EYS: variants seen among roughly 807,000 people sequenced by gnomAD.
EYS encodes the protein protein eyes shut homolog.
EYS carries 250 observed loss-of-function variants against 282.1 expected under a neutral mutation model. The observed-to-expected ratio is 0.89, with a 90% CI of 0.80 to 0.98. The LOEUF (loss-of-function observed/expected upper bound fraction) is 0.98, where lower values mean the gene tolerates loss of function less well. Ranked by LOEUF, EYS falls within the 50% of genes least tolerant of loss-of-function variation. The pLI is 0.00. For missense variants in EYS, 4,016 were observed against 3,709.0 expected, an observed-to-expected ratio of 1.08 and a Z score of -2.15; for synonymous variants, 1,355 against 1,282.9, an observed-to-expected ratio of 1.06 and a Z score of -1.20.
chr6:64,829,878 T>C (rs1765164881), intron 19 of EYS, among the ~76,000 whole-genome samples: 1 of 151,986 alleles, frequency 6.6e-6, no homozygotes, highest in African/African-American at 2.4e-5. Flanking sequence ...TCCAGGAATC[T>C]AGAGGCACTG....
intron 22 of EYS, among the ~76,000 whole-genome samples, chr6:64,707,525 C>T (rs1225401612): frequency 3.9e-5 from 6 of 152,030 alleles, no homozygotes; most frequent in Middle Eastern, 3.4e-3. Context: ...AAAAATTAGC[C>T]GGGCGTGGTG....
rs527256986 is a variant in EYS, at chr6:65,423,544, A to G, written c.863-18177T>C. On this transcript the variant is annotated intron_variant, in intron 5 of 42. Transcript: ENST00000503581. The stretch of plus-strand genomic sequence containing the variant: ...AGCGGGTCTACATTAGGTATCATAA[A>G]TTGAGAATTTTTATTGCCATGTTCC... Among the ~76,000 whole-genome samples, 4 of 152,036 alleles carry G rather than the reference A, an allele frequency of 2.6e-5. No homozygotes were observed. In the South Asian group the frequency reaches 8.3e-4, roughly 32 times the overall value.
chr6:64,337,015 C>CA (rs1770878350), intron 29 of EYS, among the ~76,000 whole-genome samples: 1 of 151,954 alleles, frequency 6.6e-6, no homozygotes. Context: ...ACACCTACAT[C>CA]AAAAAGGCTG....
intron 14 of EYS, among the ~76,000 whole-genome samples, chr6:64,981,652 C>T (rs953406392): frequency 2.0e-5 from 3 of 151,266 alleles, no homozygotes; most frequent in Admixed American, 6.6e-5. Flanking sequence ...AATTTGCATA[C>T]GGGAGTCTGG....
intron 35 of EYS, among the ~76,000 whole-genome samples, chr6:63,958,428 G>A (rs1765913145): frequency 1.0e-5 from 1 of 96,028 alleles, no homozygotes; most frequent in Non-Finnish European, 2.8e-5. Flanking sequence ...TGGTTTGAAT[G>A]TTTGTGGCCC....
At chr6:64,863,305 T>A (rs959580969) in intron 19 of EYS, among the ~76,000 whole-genome samples, 5 of 152,314 alleles carry the variant, frequency 3.3e-5, no homozygotes, top group Non-Finnish European at 7.4e-5. Flanking sequence ...CTGTTGAGAC[T>A]TTTACCTATT....
chr6:65,363,090 A>G (rs1389549485), intron 8 of EYS, among the ~76,000 whole-genome samples: 6 of 152,024 alleles, frequency 3.9e-5, no homozygotes, highest in African/African-American at 1.4e-4. Context: ...CACATACTAC[A>G]TAGACTTGCA....
At chr6:64,238,199 G>T (rs903546333) in intron 30 of EYS, among the ~76,000 whole-genome samples, 1 of 152,024 alleles carries the variant, frequency 6.6e-6, no homozygotes, top group African/African-American at 2.4e-5. Flanking sequence ...GTCACAAATA[G>T]GATTCCTTAG....
chr6:65,622,831 C>T (rs1288373264), intron 2 of EYS, among the ~76,000 whole-genome samples: 1 of 151,178 alleles, frequency 6.6e-6, no homozygotes, highest in African/African-American at 2.4e-5. Flanking sequence ...AGCTACAGCT[C>T]ATTGCAGCTT....
At chr6:64,652,188 CTT>C (rs1210471634) in intron 22 of EYS, among the ~76,000 whole-genome samples, 2 of 152,296 alleles carry the variant, frequency 1.3e-5, no homozygotes, top group South Asian at 4.1e-4. Flanking sequence ...ATAATCTTCT[CTT>C]AAGTATAAAT....
At chr6:65,471,545 C>A (rs1272802381) in intron 5 of EYS, among the ~76,000 whole-genome samples, 2 of 152,128 alleles carry the variant, frequency 1.3e-5, no homozygotes, top group Non-Finnish European at 2.9e-5. Context: ...CATATCACAA[C>A]CAGCTTTTCA....
At chr6:63,968,662 A>G (rs879404561) in intron 35 of EYS, among the ~76,000 whole-genome samples, 1 of 152,214 alleles carries the variant, frequency 6.6e-6, no homozygotes, top group African/African-American at 2.4e-5. Context: ...AGAATATTTC[A>G]GAGGTTTCTC....
chr6:63,932,025 G>T (rs930174133), intron 35 of EYS, among the ~76,000 whole-genome samples: 2 of 151,902 alleles, frequency 1.3e-5, no homozygotes, highest in South Asian at 4.2e-4. Context: ...AGAACATGCG[G>T]TTTCTATATG....
chr6:63,874,231 G>A (rs1424016973), intron 35 of EYS, among the ~76,000 whole-genome samples: 1 of 152,128 alleles, frequency 6.6e-6, no homozygotes, highest in Non-Finnish European at 1.5e-5. Context: ...AGTTTTCCGA[G>A]CACCATTTGT....
intron 29 of EYS, among the ~76,000 whole-genome samples, chr6:64,320,708 C>A (rs1362507213): frequency 7.0e-6 from 1 of 143,576 alleles, no homozygotes; most frequent in East Asian, 2.0e-4. Flanking sequence ...TCCTATTGGC[C>A]ACAGTTTCCC....
chr6:65,317,883 T>TTTCTTTCTTTCTTTCTTTCTTTCC (rs1294027944), intron 11 of EYS, among the ~76,000 whole-genome samples: 1 of 80,768 alleles, frequency 1.2e-5, no homozygotes, highest in African/African-American at 6.7e-5. Flanking sequence ...TCTTTCTTTC[T>TTTCTTTCTTTCTTTCTTTCTTTCC]TTCAGACAGA....
At chr6:65,623,871 A>G (rs1043915169) in intron 2 of EYS, among the ~76,000 whole-genome samples, 4 of 152,348 alleles carry the variant, frequency 2.6e-5, no homozygotes, top group Middle Eastern at 3.4e-3. Context: ...ATAACCTAGC[A>G]TAACTCACCT....
At chr6:65,123,106 T>C (rs1775612782) in intron 12 of EYS, among the ~76,000 whole-genome samples, 1 of 152,112 alleles carries the variant, frequency 6.6e-6, no homozygotes, top group African/African-American at 2.4e-5. Context: ...TAATTTTAAA[T>C]TCCAAAGAGA....
At chr6:64,130,412 T>C (rs973134900) in intron 31 of EYS, among the ~76,000 whole-genome samples, 3 of 151,974 alleles carry the variant, frequency 2.0e-5, no homozygotes, top group Admixed American at 1.3e-4. Context: ...TTCTCACTCA[T>C]AGGTGAGAAT....
Sources: allele counts gnomAD v4.1 joint callset (sites outside exome capture counted in the v4.1 genomes callset), GRCh38; gene constraint gnomAD v4.1.1; transcripts MANE v1.5; gene names NCBI Gene and HGNC (gene_info 2026-07-23, HGNC 2026-07-21).